The following SCRN1 variants were observed in gnomAD, a reference collection of about 807,000 sequenced individuals.
SCRN1 encodes secernin-1.
In SCRN1, 19 loss-of-function variants were observed where a neutral mutation model predicts 43.3. The ratio of observed to expected loss-of-function variants is 0.44; its 90% CI spans 0.31 to 0.64. SCRN1 has a LOEUF of 0.64. Ranked by LOEUF, SCRN1 falls within the 30% of genes least tolerant of loss-of-function variation. The pLI is 0.09. For missense variants in SCRN1, 447 were observed against 524.1 expected, an observed-to-expected ratio of 0.85 and a Z score of 1.44; for synonymous variants, 183 against 188.9, an observed-to-expected ratio of 0.97 and a Z score of 0.26.
At chr7:29,938,579 G>A (rs1460862048) in intron 5 of SCRN1, among the ~76,000 whole-genome samples, 2 of 152,230 alleles carry the variant, frequency 1.3e-5, no homozygotes, top group Non-Finnish European at 2.9e-5. Context: ...CCCACCCAGG[G>A]CGGAAAACCG....
intron 2 of SCRN1, among the ~76,000 whole-genome samples, chr7:29,967,391 CTT>C (rs372901964): frequency 1.6e-4 from 22 of 137,258 alleles, no homozygotes; most frequent in Non-Finnish European, 1.7e-4. Flanking sequence ...TTCATGTATA[CTT>C]TTTTTTTTTT....
chr7:29,983,381 G>A (rs527316991), intron 1 of SCRN1, among the ~76,000 whole-genome samples: 87 of 151,504 alleles, frequency 5.7e-4, no homozygotes, highest in African/African-American at 1.9e-3. Flanking sequence ...GCAGCGCACC[G>A]GCATGGCACA....
chr7:29,938,307 C>T (rs986365419), intron 5 of SCRN1, among the ~76,000 whole-genome samples: 17 of 152,240 alleles, frequency 1.1e-4, no homozygotes, highest in African/African-American at 2.2e-4. Flanking sequence ...GCTGGGAGTG[C>T]GGGCATGAGC....
chr7:29,940,416 A>G (rs1300549900), intron 5 of SCRN1, among the ~76,000 whole-genome samples: 1 of 152,190 alleles, frequency 6.6e-6, no homozygotes, highest in East Asian at 1.9e-4. Context: ...AGCATTACAA[A>G]AGGCAACACA....
At chr7:29,945,207 A>G (rs956370266) in intron 3 of SCRN1, among the ~76,000 whole-genome samples, 1 of 152,218 alleles carries the variant, frequency 6.6e-6, no homozygotes. Context: ...TTTCCAATTA[A>G]TAAACCCTTT....
intron 6 of SCRN1, among the ~76,000 whole-genome samples, chr7:29,934,569 C>A (rs560993320): frequency 4.9e-4 from 75 of 152,294 alleles, no homozygotes; most frequent in Non-Finnish European, 1.0e-3. Context: ...TATTGAGCCA[C>A]CAGCATTAGG....
intron 4 of SCRN1, 24 bp downstream of exon 4, chr7:29,943,953 T>A: frequency 6.2e-7 from 1 of 1,612,102 alleles, no homozygotes; most frequent in East Asian, 2.2e-5. Context: ...TCCTCAGAAC[T>A]CTCCATCATC....
intron 3 of SCRN1, 106 bp downstream of exon 3, chr7:29,955,073 C>T: frequency 1.1e-6 from 1 of 925,864 alleles, no homozygotes; most frequent in Non-Finnish European, 1.7e-6. Flanking sequence ...CACACATCAT[C>T]TTTGGAAGGA....
At chr7:29,936,979 G>A (rs961106564) in intron 5 of SCRN1, among the ~76,000 whole-genome samples, 1 of 152,202 alleles carries the variant, frequency 6.6e-6, no homozygotes, top group Non-Finnish European at 1.5e-5. Flanking sequence ...CCGGGAGGCA[G>A]AGTTTGCAGT....
chr7:29,960,703 TACACACACACACATCC>T (rs1000236999), intron 2 of SCRN1, among the ~76,000 whole-genome samples: 27 of 151,726 alleles, frequency 1.8e-4, no homozygotes, highest in African/African-American at 3.6e-4. Flanking sequence ...CATGCATGCA[TACACACACACACATCC>T]ACACACACAC....
At chr7:29,937,362 C>G (rs1562804908) in intron 5 of SCRN1, among the ~76,000 whole-genome samples, 1 of 152,166 alleles carries the variant, frequency 6.6e-6, no homozygotes. Flanking sequence ...ACAAGCGGAC[C>G]ACAAATGGAA....
At chr7:29,943,359 CACTT>C (rs936500436) in intron 4 of SCRN1, among the ~76,000 whole-genome samples, 1 of 152,160 alleles carries the variant, frequency 6.6e-6, no homozygotes, top group Non-Finnish European at 1.5e-5. Context: ...CCACCCCTAA[CACTT>C]ACTTCCCCAG....
At chr7:29,990,111 C>T, upstream of SCRN1, 5 of 1,549,388 alleles carry the variant, frequency 3.2e-6, no homozygotes, top group Non-Finnish European at 4.4e-6. Context: ...CGCCTCTTCC[C>T]GACGTTTGGT....
At chr7:29,944,844 C>T (rs1787680926) in intron 3 of SCRN1, among the ~76,000 whole-genome samples, 3 of 152,100 alleles carry the variant, frequency 2.0e-5, no homozygotes, top group African/African-American at 7.2e-5. Flanking sequence ...CACCTCAGCT[C>T]TAGCCCTTAC....
intron 1 of SCRN1, among the ~76,000 whole-genome samples, chr7:29,986,396 AATG>A (rs1277998487): frequency 1.1e-4 from 16 of 152,268 alleles, no homozygotes; most frequent in African/African-American, 2.6e-4. Context: ...TAAAATTATT[AATG>A]ATATTTTAAA....
intron 1 of SCRN1, among the ~76,000 whole-genome samples, chr7:29,984,075 G>A (rs928043716): frequency 4.0e-5 from 6 of 151,594 alleles, no homozygotes; most frequent in South Asian, 2.1e-4. Flanking sequence ...GCGTGGTGGC[G>A]CTCACCTGTG....
At chr7:29,985,086 A>G (rs1349186439) in intron 1 of SCRN1, among the ~76,000 whole-genome samples, 1 of 143,584 alleles carries the variant, frequency 7.0e-6, no homozygotes, top group East Asian at 2.0e-4. Flanking sequence ...AAGTTGGTAG[A>G]CAGCTCTTGT....
intron 2 of SCRN1, among the ~76,000 whole-genome samples, chr7:29,968,356 G>C (rs902151167): frequency 2.0e-5 from 3 of 151,624 alleles, no homozygotes; most frequent in Non-Finnish European, 2.9e-5. Flanking sequence ...GTTTTGAGTT[G>C]AAAAATACAA....
In SCRN1 at chr7:29,922,589, G is replaced by A. The variant is rs1786804198; in HGVS notation, c.*1368C>T. 6.6e-6 allele frequency: 1 copy of A among 152,282 alleles called. No individual in the cohort carries two copies. Among genetic ancestry groups the A allele is most frequent in the African/African-American group, 2.4e-5 (1 of 41,462 alleles). The allele number at this position is 152,282 out of a possible 1,614,324, so 9.4% of individuals were successfully genotyped here. A position where few individuals can be genotyped will look rare whatever the true frequency, so the allele number is the denominator to read the frequency against. The stretch of plus-strand genomic sequence containing the variant: ...CTGCCCGTTTCAGGAGTAGCTGAGA[G>A]CTTGAATAGGTGGCGGTAAGCTCCC... On this transcript the variant is annotated 3_prime_UTR_variant, in exon 8 of 8. Transcript: ENST00000242059.
Sources: gnomAD v4.1 joint callset for allele counts (sites outside exome capture counted in the v4.1 genomes callset) on GRCh38, gnomAD v4.1.1 for gene constraint, MANE v1.5 for transcripts, NCBI Gene and HGNC (gene_info 2026-07-23, HGNC 2026-07-21) for gene names.